SLC15A4: variants seen among roughly 807,000 people sequenced by gnomAD.
The protein encoded by SLC15A4 is hPHT1.
SLC15A4 carries 26 observed loss-of-function variants against 46.1 expected under a neutral mutation model. The observed-to-expected ratio is 0.56, with a 90% CI of 0.41 to 0.78. SLC15A4 has a LOEUF of 0.78. SLC15A4 is among the 30% of genes least tolerant of loss of function. The pLI is 0.00. For synonymous variants in SLC15A4, 370 were observed against 333.4 expected (o/e 1.11, Z -1.20); for missense variants, 751 against 755.7 (o/e 0.99, Z 0.07).
Position 128,823,569 on chromosome 12 carries a change from C to A in SLC15A4, c.375G>T (p.Ala125=). The change falls in exon 1 of 8, where the codon GCG becomes GCT. Residue 125 remains alanine (A), a synonymous_variant. Coordinates refer to ENST00000266771, the MANE Select transcript of SLC15A4 (RefSeq NM_145648.4). ...CGCAGAGCGCGGCTCGCGTGGCGGG[C>A]GCGGCCAGCAGCGGGAAGGCCAGCA... is the stretch of plus-strand genomic sequence containing the variant. ...LGMLAFPLLA[A]PATRAALCGS... 1 of 1,441,116 alleles carries A rather than the reference C, an allele frequency of 6.9e-7. No homozygotes were observed. The highest frequency in any genetic ancestry group is 9.0e-7 in the Non-Finnish European group (1 of 1,105,010). 89.3% of individuals were successfully genotyped at this position (1,441,116 alleles called of 1,614,324 possible). A position where few individuals can be genotyped will look rare whatever the true frequency, so the allele number is the denominator to read the frequency against.
Position 128,799,284 on chromosome 12 carries a change from T to C in SLC15A4, c.1548A>G (p.Gly516=). The C allele has an allele frequency of 6.2e-7, 1 of 1,614,048 alleles. No homozygotes were observed. The highest frequency in any genetic ancestry group is 8.5e-7 in the Non-Finnish European group (1 of 1,180,016). ...CAAAGTCTGTGTGACTGCTCATCCA[T>C]CCGATGGCTTTGATAGACACCAGTG... The part of the protein sequence containing the change: ...LLALVSIKAI[G]WMSSHTDFGN... Residue 516 remains glycine (G), a synonymous_variant, in exon 7 of 8, where the codon GGA becomes GGG. Transcript: ENST00000266771.
chr12:128,823,670 C>T lies in SLC15A4; in HGVS notation c.274G>A (p.Gly92Arg). 6.7e-7 allele frequency: 1 copy of T among 1,498,394 alleles called. No individual in the cohort carries two copies. The highest frequency in any genetic ancestry group is 8.9e-7 in the Non-Finnish European group (1 of 1,129,792). The allele number at this position is 1,498,394 out of a possible 1,614,324, so 92.8% of individuals were successfully genotyped here. The change falls in exon 1 of 8, where the codon GGA becomes AGA. Residue 92 changes from glycine (G) to arginine (R), a missense_variant. Coordinates refer to ENST00000266771, the MANE Select transcript of SLC15A4 (RefSeq NM_145648.4). ...AGCCGCGCGTCGGCCAGCCAGCCTC[C>T]GAACGGCGAGCCCAGGTAGGTGAGG... ...MGLTYLGSPF[G>R]GWLADARLGR...
chr12:128,816,913 T>A (rs1014380065), intron 1 of SLC15A4, among the ~76,000 whole-genome samples: 10 of 152,222 alleles, frequency 6.6e-5, no homozygotes, highest in African/African-American at 9.7e-5. Context: ...CTCTATTTTT[T>A]AAAGATTAAA....
intron 5 of SLC15A4, among the ~76,000 whole-genome samples, chr12:128,802,625 T>C (rs1317054213): frequency 6.6e-6 from 1 of 152,146 alleles, no homozygotes; most frequent in Non-Finnish European, 1.5e-5. Flanking sequence ...CGGAGGACAA[T>C]AAGTAGATTT....
chr12:128,800,808 A>G, intron 6 of SLC15A4, 46 bp downstream of exon 6: 5 of 1,563,318 alleles, frequency 3.2e-6, no homozygotes, highest in Non-Finnish European at 4.3e-6. Context: ...CCGAGCGCTC[A>G]CGCTTGTGCC....
At chr12:128,809,306 C>A in intron 4 of SLC15A4, 90 bp downstream of exon 4, 1 of 832,710 alleles carries the variant, frequency 1.2e-6, no homozygotes, top group South Asian at 1.8e-5. Flanking sequence ...GTGCTGTTAA[C>A]ATTTATAAAA....
Position 128,800,898 on chromosome 12 carries a change from T to C in SLC15A4, c.1370A>G (p.Gln457Arg), listed in dbSNP as rs762068279. 4 of 1,614,084 alleles carry C rather than the reference T, an allele frequency of 2.5e-6. No homozygotes were observed. Among genetic ancestry groups the C allele is most frequent in the Non-Finnish European group, 2.5e-6 (3 of 1,180,012 alleles). Residue 457 changes from glutamine (Q) to arginine (R), a missense_variant, in exon 6 of 8, where the codon CAG (glutamine) becomes CGG (arginine). By Grantham distance (43) the Gln-to-Arg change is conservative. Coordinates refer to ENST00000266771, the MANE Select transcript of SLC15A4 (RefSeq NM_145648.4). ...CTCGCTGATCCCAATCAGCAAGTAC[T>C]GCGGCACCTGCCACCACAGCGACAG... ...ADLSLWWQVP[Q>R]YLLIGISEIF...
intron 1 of SLC15A4, chr12:128,815,327 T>TGTGGAA: frequency 7.2e-6 from 3 of 414,000 alleles, no homozygotes; most frequent in Non-Finnish European, 1.3e-5. Flanking sequence ...TTTCCAAGTA[T>TGTGGAA]ATTCTGCTGT....
intron 5 of SLC15A4, among the ~76,000 whole-genome samples, chr12:128,802,987 A>T (rs1955535579): frequency 1.3e-5 from 2 of 152,146 alleles, no homozygotes; most frequent in Non-Finnish European, 1.5e-5. Context: ...CTGCCTGTGA[A>T]CAACTGAGAG....
Position 128,808,877 on chromosome 12 carries a change from G to A in SLC15A4, c.1169C>T (p.Pro390Leu). The A allele has an allele frequency of 6.2e-7, 1 of 1,614,152 alleles. No homozygotes were observed. Among genetic ancestry groups the A allele is most frequent in the Admixed American group, 1.7e-5 (1 of 60,026 alleles). ...GAGCAGGCCATGTCTTCTCAAAATG[G>A]GATCGACCAGTTTGTCCTTCAGAGG... ...LIPLKDKLVDPILRRHGLLPS... is the reference protein window; with the variant it reads ...LIPLKDKLVDLILRRHGLLPS... The change falls in exon 5 of 8, where the codon CCC (proline) becomes CTC (leucine). Residue 390 changes from proline to leucine, a missense_variant. Physicochemically the swap from Pro to Leu is moderately conservative, Grantham distance 98 (BLOSUM62 -3). Coordinates refer to ENST00000266771, the MANE Select transcript of SLC15A4 (RefSeq NM_145648.4).
intron 1 of SLC15A4, among the ~76,000 whole-genome samples, chr12:128,821,787 G>A (rs537623783): frequency 3.3e-5 from 5 of 151,830 alleles, no homozygotes; most frequent in Admixed American, 2.6e-4. Context: ...TCAGGAGGCC[G>A]AGGCAGGAGA....
chr12:128,799,298 T>TA lies in SLC15A4; in HGVS notation c.1533dup (p.Ile512TyrfsTer15). ...CTGCTCATCCATCCGATGGCTTTGA[T>TA]AGACACCAGTGCCAGCAGTCCAGAA... On this transcript the variant is annotated frameshift_variant, in exon 7 of 8. Coordinates refer to ENST00000266771, the MANE Select transcript of SLC15A4 (RefSeq NM_145648.4). LOFTEE classifies it high-confidence loss of function. The TA allele has an allele frequency of 6.2e-7, 1 of 1,614,074 alleles. No individual in the cohort carries two copies. Among genetic ancestry groups the TA allele is most frequent in the Non-Finnish European group, 8.5e-7 (1 of 1,180,016 alleles).
At chr12:128,797,024 C>T (rs917979199) in intron 7 of SLC15A4, among the ~76,000 whole-genome samples, 2 of 152,138 alleles carry the variant, frequency 1.3e-5, no homozygotes, top group Non-Finnish European at 2.9e-5. Context: ...TGGGAGAAAA[C>T]CTGCCGTGCA....
intron 5 of SLC15A4, among the ~76,000 whole-genome samples, chr12:128,805,187 T>A (rs890647447): frequency 2.6e-5 from 4 of 152,180 alleles, no homozygotes; most frequent in African/African-American, 9.7e-5. Context: ...TGGCTAGATG[T>A]TTAATGTCAT....
intron 5 of SLC15A4, among the ~76,000 whole-genome samples, chr12:128,805,560 T>C (rs1955575535): frequency 6.6e-6 from 1 of 151,860 alleles, no homozygotes; most frequent in Non-Finnish European, 1.5e-5. Context: ...TGAGACAGAG[T>C]CTCACTCTGT....
chr12:128,807,329 C>A (rs756751255), intron 5 of SLC15A4, among the ~76,000 whole-genome samples: 3 of 152,194 alleles, frequency 2.0e-5, no homozygotes, highest in African/African-American at 7.2e-5. Context: ...GCTCTCAAGG[C>A]AGCCCACAGA....
chr12:128,793,930 G>A lies in SLC15A4; in HGVS notation c.*266C>T. 1 of 325,694 alleles carries A rather than the reference G, an allele frequency of 3.1e-6. No individual in the cohort carries two copies. The highest frequency in any genetic ancestry group is 1.2e-4 in the South Asian group (1 of 8,178). The allele number at this position is 325,694 out of a possible 1,614,324, so 20.2% of individuals were successfully genotyped here. A position where few individuals can be genotyped will look rare whatever the true frequency, so the allele number is the denominator to read the frequency against. On this transcript the variant is annotated 3_prime_UTR_variant, in exon 8 of 8. Transcript: ENST00000266771. ...CTGTAAAAAAGGGAACCCAGCTAGA[G>A]GATTCACAGAGACCTTGAATGACAA... is the stretch of plus-strand genomic sequence containing the variant.
At chr12:128,821,884 CAAAAA>C (rs10579523) in intron 1 of SLC15A4, among the ~76,000 whole-genome samples, 33 of 132,946 alleles carry the variant, frequency 2.5e-4, no homozygotes, top group South Asian at 4.8e-4. Flanking sequence ...GACTCCGCCT[CAAAAA>C]AAAAAAAAAA....
At chr12:128,802,752 G>A (rs1448047655) in intron 5 of SLC15A4, among the ~76,000 whole-genome samples, 1 of 152,180 alleles carries the variant, frequency 6.6e-6, no homozygotes, top group Non-Finnish European at 1.5e-5. Flanking sequence ...AGGTAACAAA[G>A]AAATTAAGGG....
Sources: allele counts gnomAD v4.1 joint callset (sites outside exome capture counted in the v4.1 genomes callset), GRCh38; gene constraint gnomAD v4.1.1; transcripts MANE v1.5; gene names NCBI Gene and HGNC (gene_info 2026-07-23, HGNC 2026-07-21).